CPED1: variants seen among roughly 807,000 people sequenced by gnomAD.
CPED1 encodes the protein cadherin-like and PC-esterase domain-containing protein 1.
A neutral mutation model predicts 128.2 loss-of-function variants in CPED1; 114 were observed. The observed-to-expected ratio is 0.89, with a 90% CI of 0.76 to 1.04. The LOEUF is 1.04. CPED1 is among the 50% of genes least tolerant of loss of function. The pLI, the probability that CPED1 is intolerant of heterozygous loss-of-function variation, is 0.00. For synonymous variants in CPED1, 462 were observed against 426.7 expected (o/e 1.08, Z -1.02); for missense variants, 1,211 against 1,207.1 (o/e 1.00, Z -0.05).
At chr7:120,998,408 A>G (rs531166910) in intron 2 of CPED1, among the ~76,000 whole-genome samples, 2 of 152,336 alleles carry the variant, frequency 1.3e-5, no homozygotes, top group East Asian at 1.9e-4. Flanking sequence ...TGGATATATT[A>G]TCACCAACTC....
intron 18 of CPED1, among the ~76,000 whole-genome samples, chr7:121,263,467 C>CA (rs1041416826): frequency 1.1e-4 from 16 of 152,148 alleles, no homozygotes; most frequent in African/African-American, 3.9e-4. Context: ...TTTAAAATCA[C>CA]ATTTAAGTCC....
At chr7:121,170,793 G>C (rs1796635439) in intron 16 of CPED1, among the ~76,000 whole-genome samples, 1 of 152,166 alleles carries the variant, frequency 6.6e-6, no homozygotes, top group Non-Finnish European at 1.5e-5. Context: ...GCTCACACCT[G>C]TAATCCCAGC....
At position 121,177,849 on chromosome 7, in the gene CPED1, G is replaced by C. The variant is rs371744205; in HGVS notation, c.2055+35708G>C. Reference sequence around the variant, plus strand: ...TGCTGTGTTCTATTCTTATGACCAGGGGGTAAAGTTGTTATAGCATGAATG... The same window carrying C: ...TGCTGTGTTCTATTCTTATGACCAGCGGGTAAAGTTGTTATAGCATGAATG... On this transcript the variant is annotated intron_variant, in intron 16 of 22. Coordinates refer to ENST00000310396, the MANE Select transcript of CPED1 (RefSeq NM_024913.5). 7.9e-5 allele frequency among the ~76,000 whole-genome samples: 12 copies of C among 152,156 alleles called. No homozygotes were observed. In the East Asian group the frequency reaches 2.3e-3, roughly 29 times the overall value.
intron 5 of CPED1, among the ~76,000 whole-genome samples, chr7:121,071,633 C>A (rs971720017): frequency 6.6e-6 from 1 of 151,956 alleles, no homozygotes; most frequent in African/African-American, 2.4e-5. Context: ...CTTCTGCCTC[C>A]ACCTCCCAAG....
At chr7:121,059,828 C>T (rs1402885713) in intron 4 of CPED1, among the ~76,000 whole-genome samples, 1 of 152,224 alleles carries the variant, frequency 6.6e-6, no homozygotes, top group African/African-American at 2.4e-5. Context: ...ACAGCCTTCG[C>T]TCGCTCTCGG....
Position 120,995,833 on chromosome 7 carries a change from A to G in CPED1, c.249+5963A>G, listed in dbSNP as rs569645755. 3.3e-5 allele frequency among the ~76,000 whole-genome samples: 5 copies of G among 152,216 alleles called. No homozygotes were observed. In the East Asian group the frequency reaches 9.7e-4, roughly 29 times the overall value. ...AGCGACATGGCGAGCTCCAAATTAG[A>G]AAGACCACAACATTCTTCAGTTTTT... is the stretch of plus-strand genomic sequence containing the variant. On this transcript the variant is annotated intron_variant, in intron 2 of 22. Transcript: ENST00000310396.
intron 3 of CPED1, among the ~76,000 whole-genome samples, chr7:121,022,028 G>T (rs772588013): frequency 2.0e-5 from 3 of 151,610 alleles, no homozygotes; most frequent in Non-Finnish European, 4.4e-5. Flanking sequence ...TACTCTCCTG[G>T]ATTATTCCCT....
intron 16 of CPED1, among the ~76,000 whole-genome samples, chr7:121,212,345 T>A (rs1412079710): frequency 6.6e-6 from 1 of 151,976 alleles, no homozygotes; most frequent in Non-Finnish European, 1.5e-5. Flanking sequence ...GTCCAGTAAG[T>A]CTAAGAGACA....
intron 16 of CPED1, among the ~76,000 whole-genome samples, chr7:121,176,072 C>A: frequency 6.6e-6 from 1 of 151,284 alleles, no homozygotes; most frequent in Middle Eastern, 3.4e-3. Context: ...GTGTAAATTA[C>A]TTGAGGAATT....
intron 16 of CPED1, among the ~76,000 whole-genome samples, chr7:121,176,769 G>C (rs926747864): frequency 2.6e-5 from 4 of 152,110 alleles, no homozygotes; most frequent in Admixed American, 2.6e-4. Context: ...AGTGGAAAGA[G>C]CTGCGCTAAT....
At chr7:121,235,815 A>G (rs1360279480) in intron 16 of CPED1, among the ~76,000 whole-genome samples, 1 of 152,170 alleles carries the variant, frequency 6.6e-6, no homozygotes, top group South Asian at 2.1e-4. Context: ...CATGAACAAA[A>G]GTAGGGAGAC....
At chr7:121,054,288 AC>A (rs765823684) in intron 4 of CPED1, among the ~76,000 whole-genome samples, 2 of 152,158 alleles carry the variant, frequency 1.3e-5, no homozygotes, top group Non-Finnish European at 2.9e-5. Flanking sequence ...GCCATCCAAC[AC>A]CACAAGGTTT....
At chr7:121,099,606 T>A (rs1166509112) in intron 6 of CPED1, among the ~76,000 whole-genome samples, 1 of 152,200 alleles carries the variant, frequency 6.6e-6, no homozygotes, top group Non-Finnish European at 1.5e-5. Flanking sequence ...GAGCTCATGA[T>A]CCGCCTGTCT....
At chr7:121,106,758 T>C (rs1372949627) in intron 7 of CPED1, among the ~76,000 whole-genome samples, 1 of 152,094 alleles carries the variant, frequency 6.6e-6, no homozygotes, top group Admixed American at 6.6e-5. Context: ...GTTGTTTCTC[T>C]GAACTGGATC....
rs76710879 is a variant in CPED1 at position 121,131,604 on chromosome 7, C to T, written c.1577+1310C>T. ...GCTCCATGTATGTTGTAAGGTTAAG[C>T]AGTGTTCTGATCTTAAATTTAGAAG... On this transcript the variant is annotated intron_variant, in intron 12 of 22. Coordinates refer to ENST00000310396, the MANE Select transcript of CPED1 (RefSeq NM_024913.5). 9.5e-4 allele frequency among the ~76,000 whole-genome samples: 143 copies of T among 151,252 alleles called. 3 individuals are homozygous for T. Among genetic ancestry groups the T allele is most frequent in the African/African-American group, 3.4e-3 (138 of 41,190 alleles).
At chr7:121,101,665 A>G (rs1449452233) in intron 7 of CPED1, among the ~76,000 whole-genome samples, 1 of 152,030 alleles carries the variant, frequency 6.6e-6, no homozygotes, top group Non-Finnish European at 1.5e-5. Flanking sequence ...TGCAGGCTGT[A>G]CAAGTATGGA....
intron 2 of CPED1, among the ~76,000 whole-genome samples, chr7:121,014,664 C>T (rs1344923762): frequency 6.6e-6 from 1 of 151,218 alleles, no homozygotes; most frequent in Admixed American, 6.6e-5. Flanking sequence ...GCATTCACAA[C>T]ATTAAAAAGA....
At chr7:121,058,878 A>G (rs1793577237) in intron 4 of CPED1, among the ~76,000 whole-genome samples, 1 of 152,246 alleles carries the variant, frequency 6.6e-6, no homozygotes, top group Non-Finnish European at 1.5e-5. Context: ...AGAATTGTCA[A>G]TAACCTTATA....
intron 7 of CPED1, among the ~76,000 whole-genome samples, chr7:121,103,488 A>T (rs1794901418): frequency 6.6e-6 from 1 of 152,190 alleles, no homozygotes; most frequent in South Asian, 2.1e-4. Context: ...ATTATAACTC[A>T]TCTGTTAAAT....
Sources: gnomAD v4.1 joint callset for allele counts (sites outside exome capture counted in the v4.1 genomes callset) on GRCh38, gnomAD v4.1.1 for gene constraint, MANE v1.5 for transcripts, NCBI Gene and HGNC (gene_info 2026-07-23, HGNC 2026-07-21) for gene names.